Variants in EPHA6 observed in about 807,000 individuals in gnomAD.
EPHA6 encodes ephrin type-A receptor 6.
A neutral mutation model predicts 112.0 loss-of-function variants in EPHA6; 50 were observed. That is an observed-to-expected ratio of 0.45 (90% CI 0.36 to 0.56). The LOEUF (loss-of-function observed/expected upper bound fraction) is 0.56, where lower values mean the gene tolerates loss of function less well. EPHA6 is among the 20% of genes least tolerant of loss of function. The pLI is 0.00. For missense variants in EPHA6, 1,280 were observed against 1,417.4 expected, an observed-to-expected ratio of 0.90 and a Z score of 1.56; for synonymous variants, 529 against 490.7, an observed-to-expected ratio of 1.08 and a Z score of -1.03.
intron 5 of EPHA6, among the ~76,000 whole-genome samples, chr3:97,248,231 A>G (rs1013634872): frequency 6.6e-6 from 1 of 152,040 alleles, no homozygotes; most frequent in African/African-American, 2.4e-5. Flanking sequence ...TTTGCAATAA[A>G]TCTTAATTAA....
chr3:97,519,206 C>A (rs2092497184), intron 10 of EPHA6, among the ~76,000 whole-genome samples: 2 of 152,094 alleles, frequency 1.3e-5, no homozygotes, highest in African/African-American at 2.4e-5. Context: ...TTTCTTTCTT[C>A]TGCATATGGA....
At chr3:97,513,608 G>A (rs1412178641) in intron 10 of EPHA6, among the ~76,000 whole-genome samples, 2 of 146,374 alleles carry the variant, frequency 1.4e-5, no homozygotes, top group Non-Finnish European at 3.0e-5. Flanking sequence ...TCACTCATAT[G>A]TAGAATTAAA....
At chr3:97,386,456 T>C (rs1003662614) in intron 5 of EPHA6, among the ~76,000 whole-genome samples, 10 of 152,138 alleles carry the variant, frequency 6.6e-5, no homozygotes, top group African/African-American at 2.2e-4. Context: ...AGGGCAGTCA[T>C]TAAACCTCAA....
intron 3 of EPHA6, among the ~76,000 whole-genome samples, chr3:97,021,498 C>T (rs1198354659): frequency 2.0e-5 from 3 of 152,204 alleles, no homozygotes; most frequent in East Asian, 3.9e-4. Flanking sequence ...ATCTCCTCTT[C>T]TGTATGAGTC....
rs555754166 is a variant in EPHA6 at position 97,596,688 on chromosome 3, T to C, written c.2512+3951T>C. Reference sequence around the variant, plus strand: ...CATATCTTAAGGTTGAATGTGTTCATATCTACAAAATTTTAGCTTACTTTT... The same window carrying C: ...CATATCTTAAGGTTGAATGTGTTCACATCTACAAAATTTTAGCTTACTTTT... On this transcript the variant is annotated intron_variant, in intron 12 of 17. Coordinates refer to ENST00000389672, the MANE Select transcript of EPHA6 (RefSeq NM_001080448.3). Among the ~76,000 whole-genome samples the C allele has an allele frequency of 2.9e-4, 43 of 150,810 alleles. No individual in the cohort carries two copies. The East Asian group carries it at 8.2e-3, about 29-fold the overall frequency.
chr3:97,570,556 C>A (rs1192377857), intron 11 of EPHA6, among the ~76,000 whole-genome samples: 1 of 152,038 alleles, frequency 6.6e-6, no homozygotes, highest in Non-Finnish European at 1.5e-5. Flanking sequence ...ATGGTGAAAC[C>A]CCATCTCTAC....
intron 3 of EPHA6, among the ~76,000 whole-genome samples, chr3:97,011,915 TTC>T (rs2044099455): frequency 6.6e-6 from 1 of 152,186 alleles, no homozygotes; most frequent in Non-Finnish European, 1.5e-5. Flanking sequence ...AAGTATGGTT[TTC>T]TGTTTGTGCA....
chr3:97,292,763 G>A (rs2080734924), intron 5 of EPHA6, among the ~76,000 whole-genome samples: 1 of 151,924 alleles, frequency 6.6e-6, no homozygotes, highest in Admixed American at 6.5e-5. Flanking sequence ...CCAGCTCTCA[G>A]TGGAGAGGAG....
intron 6 of EPHA6, chr3:97,439,570 C>T (rs915896789): frequency 2.1e-4 from 207 of 981,230 alleles, no homozygotes; most frequent in Non-Finnish European, 2.4e-4. Flanking sequence ...AACCCAGCTG[C>T]CACTACTATT....
chr3:96,879,383 C>T (rs2037171102), intron 2 of EPHA6, among the ~76,000 whole-genome samples: 1 of 151,998 alleles, frequency 6.6e-6, no homozygotes, highest in Non-Finnish European at 1.5e-5. Flanking sequence ...TGCATGAACT[C>T]ATGTGCAGAG....
At chr3:97,144,105 A>T (rs2108359187) in intron 3 of EPHA6, among the ~76,000 whole-genome samples, 1 of 151,734 alleles carries the variant, frequency 6.6e-6, no homozygotes, top group East Asian at 1.9e-4. Context: ...CCTTAATTTC[A>T]TGGCCTTCCC....
Position 97,539,066 on chromosome 3 carries a change from C to CCTT in EPHA6, c.2386+6524_2386+6525insTTC, listed in dbSNP as rs1560113291. Among the ~76,000 whole-genome samples the CCTT allele has an allele frequency of 1.5e-3, 187 of 124,024 alleles. 1 individual carries two copies. Among genetic ancestry groups the CCTT allele is most frequent in the African/African-American group, 5.9e-3 (178 of 30,406 alleles). 81.4% of individuals were successfully genotyped at this position (124,024 alleles called of 152,430 possible). A position where few individuals can be genotyped will look rare whatever the true frequency, so the allele number is the denominator to read the frequency against. On this transcript the variant is annotated intron_variant, in intron 11 of 17. Coordinates refer to ENST00000389672, the MANE Select transcript of EPHA6 (RefSeq NM_001080448.3). ...TTCTTTCTTTCTTTTTCTCTTTCTTCCCTTCCTTCCTTCCTTCCTTCCTTC... is the reference window on the plus strand; with the variant it reads ...TTCTTTCTTTCTTTTTCTCTTTCTTCCTTCCTTCCTTCCTTCCTTCCTTCCTTC...
At chr3:97,023,102 G>A (rs1292415906) in intron 3 of EPHA6, among the ~76,000 whole-genome samples, 1 of 152,062 alleles carries the variant, frequency 6.6e-6, no homozygotes, top group Non-Finnish European at 1.5e-5. Context: ...TTTCTGAGAT[G>A]GAGTCTCATT....
At chr3:97,745,941 C>T (rs2035697191) in intron 16 of EPHA6, among the ~76,000 whole-genome samples, 1 of 151,812 alleles carries the variant, frequency 6.6e-6, no homozygotes, top group Non-Finnish European at 1.5e-5. Flanking sequence ...CATGTATATG[C>T]CCTTCTGCTT....
intron 6 of EPHA6, among the ~76,000 whole-genome samples, chr3:97,422,135 C>A (rs1342632221): frequency 2.2e-5 from 2 of 92,830 alleles, no homozygotes; most frequent in African/African-American, 4.9e-5. Flanking sequence ...AGAATAGTCT[C>A]TCAAAAAAAA....
In EPHA6 at chr3:97,323,488, A is replaced by C. The variant is rs148225705; in HGVS notation, c.1606+79201A>C. 2.3e-3 allele frequency among the ~76,000 whole-genome samples: 354 copies of C among 152,082 alleles called. 1 individual carries two copies. The highest frequency in any genetic ancestry group is 9.7e-3 in the South Asian group (47 of 4,828). ...GGTGGATACCTCATTTGTCTAGTTA[A>C]TATGTCAAATGATCATGTTTGTATA... On this transcript the variant is annotated intron_variant, in intron 5 of 17. Transcript: ENST00000389672.
intron 2 of EPHA6, among the ~76,000 whole-genome samples, chr3:96,899,379 A>G (rs936030583): frequency 3.3e-5 from 5 of 152,186 alleles, no homozygotes; most frequent in Non-Finnish European, 7.4e-5. Context: ...ACTTTATTTC[A>G]AAATAAGATA....
At chr3:96,844,148 C>T (rs914238779) in intron 1 of EPHA6, among the ~76,000 whole-genome samples, 1 of 151,948 alleles carries the variant, frequency 6.6e-6, no homozygotes, top group African/African-American at 2.4e-5. Flanking sequence ...ACCTGTAGTT[C>T]TGGTGTTAGG....
At chr3:97,689,397 G>T (rs988758265) in intron 14 of EPHA6, among the ~76,000 whole-genome samples, 10 of 152,144 alleles carry the variant, frequency 6.6e-5, no homozygotes, top group Non-Finnish European at 2.9e-5. Flanking sequence ...GGAAAAAAAT[G>T]TTGTTTGATT....
Sources: allele counts gnomAD v4.1 joint callset (sites outside exome capture counted in the v4.1 genomes callset), GRCh38; gene constraint gnomAD v4.1.1; transcripts MANE v1.5; gene names NCBI Gene and HGNC (gene_info 2026-07-23, HGNC 2026-07-21).